Variants in TPO observed in about 807,000 individuals in gnomAD.
The protein encoded by TPO is thyroid peroxidase, also known as thyroid microsomal antigen.
In TPO, 78 loss-of-function variants were observed where a neutral mutation model predicts 96.9. The observed-to-expected ratio is 0.81, with a 90% CI of 0.67 to 0.97. The LOEUF is 0.97. Among genes scored for constraint, TPO ranks in the 50% least tolerant of loss-of-function variants. The pLI is 0.00. For synonymous variants in TPO, 547 were observed against 538.0 expected, an observed-to-expected ratio of 1.02 and a Z score of -0.23; for missense variants, 1,252 against 1,274.8, an observed-to-expected ratio of 0.98 and a Z score of 0.27.
At chr2:1,458,687 C>T (rs1186866168) in intron 7 of TPO, among the ~76,000 whole-genome samples, 1 of 152,164 alleles carries the variant, frequency 6.6e-6, no homozygotes, top group Non-Finnish European at 1.5e-5. Context: ...TGTACCTGCA[C>T]TTTTTCTCAT....
chr2:1,510,014 C>G (rs989234916), intron 14 of TPO, among the ~76,000 whole-genome samples: 9 of 152,242 alleles, frequency 5.9e-5, no homozygotes, highest in African/African-American at 1.9e-4. Context: ...GGTGTCCTCT[C>G]TCTGCACAGC....
At position 1,492,184 on chromosome 2, in the gene TPO, C is replaced by T. The variant is rs550664443; in HGVS notation, c.1769-1618C>T. ...TTTTTGTTTTTTTGAGACGAAGTCT[C>T]ACTCTTGTCACCCAGGCTGGAGAGC... On this transcript the variant is annotated intron_variant, in intron 10 of 16. Transcript: ENST00000329066. Among the ~76,000 whole-genome samples, 7 of 152,180 alleles carry T rather than the reference C, an allele frequency of 4.6e-5. No homozygotes were observed. In the South Asian group the frequency reaches 1.5e-3, roughly 32 times the overall value.
chr2:1,512,068 C>T (rs1388352350), intron 14 of TPO, among the ~76,000 whole-genome samples: 1 of 151,794 alleles, frequency 6.6e-6, no homozygotes, highest in Non-Finnish European at 1.5e-5. Context: ...GAGTCTCGCT[C>T]TGTCGCCTAG....
intron 15 of TPO, among the ~76,000 whole-genome samples, chr2:1,536,869 G>T (rs190052320): frequency 2.2e-4 from 11 of 49,300 alleles, no homozygotes; most frequent in African/African-American, 9.2e-4. Context: ...CAACCTCCCC[G>T]AATACCCACC....
intron 6 of TPO, among the ~76,000 whole-genome samples, chr2:1,454,671 C>G (rs1044291409): frequency 2.6e-5 from 4 of 152,154 alleles, no homozygotes; most frequent in Admixed American, 1.3e-4. Flanking sequence ...TCCTTCTTGG[C>G]CTCAGTTGGA....
Position 1,528,659 on chromosome 2 carries a change from C to T in TPO, c.2618+11677C>T, listed in dbSNP as rs538461838. ...CCACTGTGTGCAACCTCACCACATC[C>T]ACCACTGTGTGCAACCTCCCCAAAT... On this transcript the variant is annotated intron_variant, in intron 15 of 16. Coordinates refer to ENST00000329066, the MANE Select transcript of TPO (RefSeq NM_001206744.2). Among the ~76,000 whole-genome samples the T allele has an allele frequency of 7.0e-5, 10 of 142,618 alleles. 1 individual carries two copies. The highest frequency in any genetic ancestry group is 2.4e-4 in the African/African-American group (9 of 37,362). The allele number at this position is 142,618 out of a possible 152,430, so 93.6% of individuals were successfully genotyped here.
intron 1 of TPO, among the ~76,000 whole-genome samples, chr2:1,390,403 G>A (rs1405108682): frequency 1.3e-5 from 2 of 151,908 alleles, no homozygotes; most frequent in East Asian, 3.9e-4. Flanking sequence ...ACATTTTCTT[G>A]TGGCAGAATT....
At chr2:1,453,909 C>A in intron 6 of TPO, 86 bp downstream of exon 6, 1 of 1,588,592 alleles carries the variant, frequency 6.3e-7, no homozygotes, top group Non-Finnish European at 8.6e-7. Context: ...TGGGTTCTTG[C>A]TCGTGCTGGG....
At chr2:1,456,402 C>A in intron 7 of TPO, 120 bp downstream of exon 7, 1 of 1,096,792 alleles carries the variant, frequency 9.1e-7, no homozygotes, top group Non-Finnish European at 1.3e-6. Flanking sequence ...CCAGGGGTAG[C>A]AGTTGTGAAT....
chr2:1,501,766 G>A (rs535978475), intron 13 of TPO, among the ~76,000 whole-genome samples: 13 of 152,254 alleles, frequency 8.5e-5, no homozygotes, highest in African/African-American at 2.2e-4. Flanking sequence ...CCAGGAGCCA[G>A]GGCATGCAGG....
chr2:1,440,102 CTGTGCTGCGTTTCCAA>C (rs974987117), intron 5 of TPO, among the ~76,000 whole-genome samples: 11 of 151,778 alleles, frequency 7.2e-5, no homozygotes, highest in Admixed American at 2.0e-4. Context: ...TGCGTTTCCA[CTGTGCTGCGTTTCCAA>C]TGTGCTACAT....
chr2:1,542,669 T>G lies in TPO; in HGVS notation c.*195T>G, dbSNP rs2125365316. On this transcript the variant is annotated 3_prime_UTR_variant, in exon 17 of 17. Coordinates refer to ENST00000329066, the MANE Select transcript of TPO (RefSeq NM_001206744.2). The stretch of plus-strand genomic sequence containing the variant: ...GCTGCATTTGTCTGGCCTTTTCTTG[T>G]AAACATTGCCTGATTTGTTCCTTCT... 5.4e-6 allele frequency: 8 copies of G among 1,494,450 alleles called. No individual in the cohort carries two copies. The highest frequency in any genetic ancestry group is 7.3e-6 in the Non-Finnish European group (8 of 1,102,658). 92.6% of individuals were successfully genotyped at this position (1,494,450 alleles called of 1,614,324 possible). A position where few individuals can be genotyped will look rare whatever the true frequency, so the allele number is the denominator to read the frequency against.
chr2:1,375,285 G>C (rs568761490), intron 1 of TPO, among the ~76,000 whole-genome samples: 2 of 152,060 alleles, frequency 1.3e-5, no homozygotes, highest in African/African-American at 4.8e-5. Flanking sequence ...CACCTTGGTC[G>C]TGAAAGGGAG....
In TPO at chr2:1,493,881, G is replaced by A. The variant is rs1167939732; in HGVS notation, c.1848G>A (p.Arg616=). ...PADLSTAIAS[R]SVADKILDLY... ...ACCTGAGCACAGCCATCGCCAGCAG[G>A]AGCGTGGCCGACAAGATCCTGGACT... Residue 616 remains arginine, a synonymous_variant, in exon 11 of 17, where the codon AGG becomes AGA. Coordinates refer to ENST00000329066, the MANE Select transcript of TPO (RefSeq NM_001206744.2). 6.2e-7 allele frequency: 1 copy of A among 1,614,102 alleles called. No homozygotes were observed. The highest frequency in any genetic ancestry group is 2.2e-5 in the East Asian group (1 of 44,886).
At chr2:1,495,511 A>T (rs1381555217) in intron 11 of TPO, among the ~76,000 whole-genome samples, 1 of 152,262 alleles carries the variant, frequency 6.6e-6, no homozygotes, top group Admixed American at 6.5e-5. Flanking sequence ...CCTCTAAAAT[A>T]GCTGGATTTG....
At chr2:1,500,031 CAGTT>C (rs1476474256) in intron 13 of TPO, among the ~76,000 whole-genome samples, 1 of 152,248 alleles carries the variant, frequency 6.6e-6, no homozygotes, top group East Asian at 1.9e-4. Flanking sequence ...TTACACTACA[CAGTT>C]AGCAGGGCGT....
chr2:1,414,461 C>G lies in TPO; in HGVS notation c.53C>G (p.Ala18Gly). 4 of 1,613,940 alleles carry G rather than the reference C, an allele frequency of 2.5e-6. No individual in the cohort carries two copies. The highest frequency in any genetic ancestry group is 3.4e-6 in the Non-Finnish European group (4 of 1,179,898). Residue 18 changes from alanine to glycine, a missense_variant, in exon 2 of 17, where the codon GCC (alanine) becomes GGC (glycine). Transcript: ENST00000329066. The part of the protein sequence containing the change: ...SVTLVMACTE[A>G]FFPFISRGKE... ...ACGCTGGTTATGGCCTGCACAGAAG[C>G]CTTCTTCCCCTTCATCTCGAGAGGG...
intron 4 of TPO, 21 bp downstream of exon 4, chr2:1,433,628 C>T (rs1213436752): frequency 6.2e-7 from 1 of 1,611,130 alleles, no homozygotes. Context: ...CCCCTCTCCC[C>T]ACTGAGGAGC....
chr2:1,375,097 T>C (rs1486053292), intron 1 of TPO, among the ~76,000 whole-genome samples: 1 of 135,560 alleles, frequency 7.4e-6, no homozygotes, highest in Non-Finnish European at 1.6e-5. Context: ...GAGTTTTTAA[T>C]TTTTTTTTAA....
Sources: allele counts gnomAD v4.1 joint callset (sites outside exome capture counted in the v4.1 genomes callset), GRCh38; gene constraint gnomAD v4.1.1; transcripts MANE v1.5; gene names NCBI Gene and HGNC (gene_info 2026-07-23, HGNC 2026-07-21).